FYB2: variants seen among roughly 807,000 people sequenced by gnomAD.
FYB2 encodes FYN-binding protein 2.
In FYB2, 103 loss-of-function variants were observed where a neutral mutation model predicts 94.1. The ratio of observed to expected loss-of-function variants is 1.09; its 90% CI spans 0.93 to 1.29. The LOEUF (loss-of-function observed/expected upper bound fraction) is 1.29. Ranked by LOEUF, FYB2 falls within the 50% of genes most tolerant of loss-of-function variation. The probability of loss-of-function intolerance (pLI) is 0.00; values close to 1 mark genes in which losing one functional copy is unlikely to be tolerated. For synonymous variants in FYB2, 293 were observed against 287.9 expected (o/e 1.02, Z -0.18); for missense variants, 896 against 841.5 (o/e 1.06, Z -0.80).
chr1:56,754,050 C>T lies in FYB2; in HGVS notation c.1131-115G>A, dbSNP rs1027472841. 3 of 671,798 alleles carry T rather than the reference C, an allele frequency of 4.5e-6. No individual in the cohort carries two copies. The African/African-American group carries it at 5.4e-5, about 12-fold the overall frequency. 41.6% of individuals were successfully genotyped at this position (671,798 alleles called of 1,614,324 possible). ...AAAATAGATTTGAACAAATATGAAT[C>T]ATTTATCTTAGATGAAGGGACTAGG... On this transcript the variant is annotated intron_variant, in intron 7 of 19. Coordinates refer to ENST00000343433, the MANE Select transcript of FYB2 (RefSeq NM_001004303.5).
chr1:56,802,587 G>A (rs899879577), intron 1 of FYB2, among the ~76,000 whole-genome samples: 1 of 152,124 alleles, frequency 6.6e-6, no homozygotes, highest in South Asian at 2.1e-4. Context: ...TTTCAGATTG[G>A]AGCAGCTAGA....
At chr1:56,764,917 G>A (rs1215889452) in intron 5 of FYB2, among the ~76,000 whole-genome samples, 1 of 152,074 alleles carries the variant, frequency 6.6e-6, no homozygotes, top group Non-Finnish European at 1.5e-5. Flanking sequence ...ATCTTTATTG[G>A]GATGCTTGTA....
At chr1:56,772,049 G>A (rs143507390) in intron 4 of FYB2, among the ~76,000 whole-genome samples, 1 of 152,012 alleles carries the variant, frequency 6.6e-6, no homozygotes, top group African/African-American at 2.4e-5. Context: ...AAACTCCAAT[G>A]CATCAGTAAC....
At chr1:56,739,562 C>T (rs968623427) in intron 13 of FYB2, among the ~76,000 whole-genome samples, 3 of 152,056 alleles carry the variant, frequency 2.0e-5, no homozygotes, top group Non-Finnish European at 4.4e-5. Context: ...GCATCTTCTG[C>T]CCTCACAAAA....
intron 4 of FYB2, among the ~76,000 whole-genome samples, chr1:56,783,893 A>C (rs1646068451): frequency 6.6e-6 from 1 of 152,164 alleles, no homozygotes; most frequent in Non-Finnish European, 1.5e-5. Context: ...TAAAGTTCTG[A>C]GCATAGATTC....
the FYB2 span, among the ~76,000 whole-genome samples, chr1:56,825,732 C>T: frequency 6.6e-6 from 1 of 152,190 alleles, no homozygotes; most frequent in Admixed American, 6.5e-5. Context: ...ATTCATCCAA[C>T]ACATGTTTAT....
chr1:56,751,221 G>A lies in FYB2; in HGVS notation c.1228-18C>T. 2 of 1,610,786 alleles carry A rather than the reference G, an allele frequency of 1.2e-6. No homozygotes were observed. Among genetic ancestry groups the A allele is most frequent in the East Asian group, 2.2e-5 (1 of 44,752 alleles). On this transcript the variant is annotated intron_variant, in intron 8 of 19. Coordinates refer to ENST00000343433, the MANE Select transcript of FYB2 (RefSeq NM_001004303.5). ...GCATCTACCTAAACATATGCAAAAG[G>A]GAGAATACTGTAGGGCTGTGACTTA...
At position 56,787,178 on chromosome 1, in the gene FYB2, T is replaced by C. The variant is rs1646150913; in HGVS notation, c.950A>G (p.Glu317Gly). Residue 317 changes from glutamate to glycine, a missense_variant, in exon 4 of 20, where the codon GAG (glutamate) becomes GGG (glycine). Physicochemically the swap from Glu to Gly is moderately conservative, Grantham distance 98 (BLOSUM62 -2). Transcript: ENST00000343433. Reference sequence around the variant, plus strand: ...CAACTAAGGAGCATGTACTTACCTCTCTGGAGACAGGGAGCCCTCTTCCAC... The same window carrying C: ...CAACTAAGGAGCATGTACTTACCTCCCTGGAGACAGGGAGCCCTCTTCCAC... ...VTVEEGSLSP[E>G]RLFNAEFEEP... The C allele has an allele frequency of 1.2e-6, 2 of 1,613,962 alleles. No homozygotes were observed. The highest frequency in any genetic ancestry group is 1.1e-5 in the South Asian group (1 of 91,082).
intron 8 of FYB2, among the ~76,000 whole-genome samples, chr1:56,752,178 A>G (rs1247090910): frequency 1.3e-5 from 2 of 151,974 alleles, no homozygotes; most frequent in African/African-American, 2.4e-5. Flanking sequence ...AAATGAGAAT[A>G]GGGCTGAGTT....
At chr1:56,739,362 C>T (rs1460020651) in intron 13 of FYB2, among the ~76,000 whole-genome samples, 1 of 151,960 alleles carries the variant, frequency 6.6e-6, no homozygotes, top group African/African-American at 2.4e-5. Flanking sequence ...GACCACACTC[C>T]CTCTTCTTCC....
chr1:56,731,659 T>G (rs1490708679), intron 15 of FYB2, among the ~76,000 whole-genome samples: 1 of 152,082 alleles, frequency 6.6e-6, no homozygotes, highest in Non-Finnish European at 1.5e-5. Flanking sequence ...ACCAGGAACA[T>G]GCCTGCAGTC....
upstream of FYB2, among the ~76,000 whole-genome samples, chr1:56,823,198 G>C (rs1276484100): frequency 1.3e-5 from 2 of 152,130 alleles, no homozygotes; most frequent in Non-Finnish European, 2.9e-5. Flanking sequence ...GCCATGCGGA[G>C]AGTACAGTTC....
chr1:56,742,636 G>C (rs1644981144), intron 11 of FYB2, among the ~76,000 whole-genome samples: 1 of 152,040 alleles, frequency 6.6e-6, no homozygotes, highest in African/African-American at 2.4e-5. Context: ...TCACAGCATG[G>C]CTTTGGCCTA....
chr1:56,744,349 C>T (rs1569950277), intron 9 of FYB2, 83 bp from the exon 10 acceptor site: 2 of 1,022,672 alleles, frequency 2.0e-6, no homozygotes, highest in South Asian at 1.3e-5. Context: ...GCAGTGGAGG[C>T]AAGCATAAGA....
chr1:56,826,386 A>C, the FYB2 span, among the ~76,000 whole-genome samples: 1 of 151,874 alleles, frequency 6.6e-6, no homozygotes. Flanking sequence ...GACATACAAG[A>C]CTCTTTAGAA....
chr1:56,804,593 G>T (rs1463292046), intron 1 of FYB2, among the ~76,000 whole-genome samples: 1 of 152,116 alleles, frequency 6.6e-6, no homozygotes, highest in Non-Finnish European at 1.5e-5. Context: ...AGCTGGGCAT[G>T]ACGGTACATG....
In FYB2 at chr1:56,753,334, A is replaced by ATGG. The variant is rs528331537; in HGVS notation, c.1227+502_1227+504dup. On this transcript the variant is annotated intron_variant, in intron 8 of 19. Coordinates refer to ENST00000343433, the MANE Select transcript of FYB2 (RefSeq NM_001004303.5). ...AGCAACAAGAATACATTTCATTTGT[A>ATGG]TGGTAGCTTATGGCTTATGAAACAC... Among the ~76,000 whole-genome samples, 782 of 152,242 alleles carry ATGG rather than the reference A, an allele frequency of 5.1e-3. 3 individuals are homozygous for ATGG. Among genetic ancestry groups the ATGG allele is most frequent in the Non-Finnish European group, 8.2e-3 (558 of 67,994 alleles).
intron 3 of FYB2, among the ~76,000 whole-genome samples, chr1:56,787,905 T>C (rs1172621376): frequency 2.0e-5 from 3 of 152,234 alleles, no homozygotes; most frequent in Non-Finnish European, 4.4e-5. Flanking sequence ...CTTCTTTGAT[T>C]TGGAGCTGTC....
Position 56,751,066 on chromosome 1 carries a change from C to T in FYB2, c.1365G>A (p.Leu455=), listed in dbSNP as rs960288306. 1.2e-6 allele frequency: 2 copies of T among 1,612,476 alleles called. No individual in the cohort carries two copies. Among genetic ancestry groups the T allele is most frequent in the Admixed American group, 1.7e-5 (1 of 59,868 alleles). Residue 455 remains leucine, a synonymous_variant, in exon 9 of 20, where the codon CTG becomes CTA. Coordinates refer to ENST00000343433, the MANE Select transcript of FYB2 (RefSeq NM_001004303.5). ...QTNPCPEGPK[L]ARHSQGHCGH... ...TACAGTGGCCTTGGGAGTGCCTGGC[C>T]AGCTTTGGGCCCTCAGGGCAGGGAT...
Sources: gnomAD v4.1 joint callset for allele counts (sites outside exome capture counted in the v4.1 genomes callset) on GRCh38, gnomAD v4.1.1 for gene constraint, MANE v1.5 for transcripts, NCBI Gene and HGNC (gene_info 2026-07-23, HGNC 2026-07-21) for gene names.